The following DNAH12 variants were observed in gnomAD, a reference collection of about 807,000 sequenced individuals.
The protein encoded by DNAH12 is axonemal beta dynein heavy chain 12.
Under a neutral mutation model 371.5 loss-of-function variants are expected in DNAH12, and 285 were observed. The ratio of observed to expected loss-of-function variants is 0.77; its 90% CI spans 0.70 to 0.85. DNAH12 has a LOEUF of 0.85. Ranked by LOEUF, DNAH12 falls within the 40% of genes least tolerant of loss-of-function variation. DNAH12 has a pLI of 0.00. For missense variants in DNAH12, 3,611 were observed against 3,689.4 expected (o/e 0.98, Z 0.55); for synonymous variants, 1,200 against 1,213.0 (o/e 0.99, Z 0.22).
At chr3:57,410,418 T>C (rs545112883) in intron 39 of DNAH12, among the ~76,000 whole-genome samples, 56 of 152,266 alleles carry the variant, frequency 3.7e-4, no homozygotes, top group Non-Finnish European at 7.2e-4. Flanking sequence ...ACTGATTAAA[T>C]ATTGTGTGTG....
At chr3:57,460,609 G>A (rs1454396075) in intron 19 of DNAH12, among the ~76,000 whole-genome samples, 3 of 152,124 alleles carry the variant, frequency 2.0e-5, no homozygotes, top group Admixed American at 1.3e-4. Flanking sequence ...GAAAGGCTAG[G>A]TTAGCCTGCT....
chr3:57,462,175 A>G (rs1404709845), intron 18 of DNAH12, among the ~76,000 whole-genome samples: 1 of 152,214 alleles, frequency 6.6e-6, no homozygotes, highest in Non-Finnish European at 1.5e-5. Context: ...TTAAGAGGAG[A>G]TCAAAGGAGT....
chr3:57,554,160 A>G, the DNAH12 span, among the ~76,000 whole-genome samples: 4,241 of 107,230 alleles, frequency 0.04, 190 homozygotes, highest in African/African-American at 0.1. Context: ...GGCAGTGCAC[A>G]CCTGTAATCT....
chr3:57,529,504 T>A (rs1425852684), intron 2 of DNAH12, among the ~76,000 whole-genome samples: 1 of 152,212 alleles, frequency 6.6e-6, no homozygotes, highest in Non-Finnish European at 1.5e-5. Context: ...TTCTTCTAGA[T>A]ATTCCAATTT....
intron 2 of DNAH12, among the ~76,000 whole-genome samples, chr3:57,538,364 A>T (rs1250641179): frequency 1.4e-5 from 1 of 69,702 alleles, no homozygotes; most frequent in Non-Finnish European, 3.7e-5. Flanking sequence ...GTGTTTTTAA[A>T]TTAAGCACCA....
intron 29 of DNAH12, among the ~76,000 whole-genome samples, chr3:57,441,601 G>C (rs1349050011): frequency 6.6e-6 from 1 of 152,088 alleles, no homozygotes; most frequent in Non-Finnish European, 1.5e-5. Flanking sequence ...ATACCAACCT[G>C]AGCAACAAAG....
chr3:57,372,664 A>G (rs1684453438), intron 55 of DNAH12, among the ~76,000 whole-genome samples: 2 of 152,116 alleles, frequency 1.3e-5, no homozygotes, highest in South Asian at 4.1e-4. Context: ...GAGATGGATG[A>G]TATTATAAAT....
chr3:57,414,852 G>A (rs1160828740), intron 38 of DNAH12, among the ~76,000 whole-genome samples: 1 of 152,132 alleles, frequency 6.6e-6, no homozygotes, highest in Admixed American at 6.5e-5. Context: ...CAGAAATGAG[G>A]CCAGGAGAGA....
At chr3:57,301,089 G>A (rs1312481209) in intron 70 of DNAH12, among the ~76,000 whole-genome samples, 1 of 151,702 alleles carries the variant, frequency 6.6e-6, no homozygotes, top group Non-Finnish European at 1.5e-5. Context: ...CAGGAGTGAG[G>A]CACCAGCGTG....
intron 8 of DNAH12, among the ~76,000 whole-genome samples, chr3:57,504,802 AC>A (rs2067688999): frequency 6.6e-6 from 1 of 151,974 alleles, no homozygotes; most frequent in Non-Finnish European, 1.5e-5. Flanking sequence ...TGCTGTAGTT[AC>A]CCAGTTGTGC....
chr3:57,319,743 A>ATTTTTTTTTTTTT (rs35617325), intron 65 of DNAH12, among the ~76,000 whole-genome samples: 1 of 143,384 alleles, frequency 7.0e-6, no homozygotes, highest in African/African-American at 2.6e-5. Flanking sequence ...CACCTTGCTA[A>ATTTTTTTTTTTTT]TTTTTTTTTT....
At chr3:57,523,408 T>C (rs936941993) in intron 4 of DNAH12, among the ~76,000 whole-genome samples, 175 bp downstream of exon 4, 3 of 152,124 alleles carry the variant, frequency 2.0e-5, no homozygotes, top group Non-Finnish European at 4.4e-5. Flanking sequence ...AAAATCTATA[T>C]TGCCATATTG....
At chr3:57,482,258 A>G (rs377610049) in intron 13 of DNAH12, among the ~76,000 whole-genome samples, 20 of 152,186 alleles carry the variant, frequency 1.3e-4, no homozygotes, top group African/African-American at 4.6e-4. Context: ...AAAAGTGGGC[A>G]AAGGACATGA....
At chr3:57,471,422 A>G in intron 15 of DNAH12, 50 bp downstream of exon 15, 2 of 1,466,158 alleles carry the variant, frequency 1.4e-6, no homozygotes, top group Non-Finnish European at 1.8e-6. Context: ...AACATGTCCT[A>G]TATGACTCTA....
In DNAH12 at chr3:57,427,140, G is replaced by GTGA. The variant is rs368957284; in HGVS notation, c.5253+1492_5253+1493insTCA. ...ATTTATTTATATGTAAGAAGCGAATGTGTGTGTGTGTGTGTGTGTGTGTGT... is the reference window on the plus strand; with the variant it reads ...ATTTATTTATATGTAAGAAGCGAATGTGATGTGTGTGTGTGTGTGTGTGTGTGT... On this transcript the variant is annotated intron_variant, in intron 34 of 73. Transcript: ENST00000495027. Among the ~76,000 whole-genome samples, 798 of 131,104 alleles carry GTGA rather than the reference G, an allele frequency of 6.1e-3. 3 individuals carry two copies. Among genetic ancestry groups the GTGA allele is most frequent in the African/African-American group, 0.019 (729 of 38,094 alleles). 86.0% of individuals were successfully genotyped at this position (131,104 alleles called of 152,430 possible). A position where few individuals can be genotyped will look rare whatever the true frequency, so the allele number is the denominator to read the frequency against.
intron 62 of DNAH12, among the ~76,000 whole-genome samples, chr3:57,327,697 A>G (rs1289978277): frequency 6.6e-6 from 1 of 151,938 alleles, no homozygotes; most frequent in East Asian, 1.9e-4. Flanking sequence ...GAAGGCAAGA[A>G]ATAACTAAAA....
chr3:57,385,597 C>A (rs1484940454), intron 47 of DNAH12, among the ~76,000 whole-genome samples, 168 bp from the exon 48 acceptor site: 1 of 152,170 alleles, frequency 6.6e-6, no homozygotes, highest in African/African-American at 2.4e-5. Flanking sequence ...AAGTGTGGGC[C>A]AGGGCCAAGC....
At chr3:57,359,840 T>G (rs1474910368) in intron 58 of DNAH12, among the ~76,000 whole-genome samples, 1 of 152,146 alleles carries the variant, frequency 6.6e-6, no homozygotes, top group Non-Finnish European at 1.5e-5. Flanking sequence ...TTGACTATTT[T>G]GGAGAGCCTT....
intron 32 of DNAH12, among the ~76,000 whole-genome samples, chr3:57,431,166 A>C (rs1030660886): frequency 6.6e-6 from 1 of 152,066 alleles, no homozygotes; most frequent in Admixed American, 6.5e-5. Flanking sequence ...CATTCTCCTC[A>C]CTGCCCTGTG....
Sources: gnomAD v4.1 joint callset for allele counts (sites outside exome capture counted in the v4.1 genomes callset) on GRCh38, gnomAD v4.1.1 for gene constraint, MANE v1.5 for transcripts, NCBI Gene and HGNC (gene_info 2026-07-23, HGNC 2026-07-21) for gene names.